The following PCDHA7 variants were observed in gnomAD, a reference collection of about 807,000 sequenced individuals.
PCDHA7 encodes the protein protocadherin alpha 7.
A neutral mutation model predicts 57.2 loss-of-function variants in PCDHA7; 37 were observed. The observed-to-expected ratio is 0.65, with a 90% confidence interval of 0.50 to 0.85. PCDHA7 has a LOEUF of 0.85. PCDHA7 is among the 40% of genes least tolerant of loss of function. The pLI is 0.00. For missense variants in PCDHA7, 1,188 were observed against 1,241.8 expected (o/e 0.96, Z 0.65); for synonymous variants, 553 against 558.8 (o/e 0.99, Z 0.15).
In PCDHA7 at chr5:140,920,607, A is replaced by G. The variant is rs185483487; in HGVS notation, c.2356-58342A>G. Among the ~76,000 whole-genome samples the G allele has an allele frequency of 8.0e-3, 1,215 of 152,266 alleles. 5 individuals are homozygous for G. Among genetic ancestry groups the G allele is most frequent in the African/African-American group, 0.019 (784 of 41,544 alleles). On this transcript the variant is annotated intron_variant, in intron 1 of 3. Coordinates refer to ENST00000525929, the MANE Select transcript of PCDHA7 (RefSeq NM_018910.3). ...ACGCCTGTAATCCCAGCACTTTGGG[A>G]GGCCGAGGCGGATGGATCACAAGGT...
At chr5:140,903,202 C>T (rs1322362050) in intron 1 of PCDHA7, among the ~76,000 whole-genome samples, 4 of 152,184 alleles carry the variant, frequency 2.6e-5, no homozygotes, top group Admixed American at 2.0e-4. Context: ...GTGTCCTTTT[C>T]ACCACATTCA....
chr5:140,845,796 C>A (rs1780039234), intron 1 of PCDHA7, among the ~76,000 whole-genome samples: 1 of 149,428 alleles, frequency 6.7e-6, no homozygotes, highest in African/African-American at 2.5e-5. Flanking sequence ...TAAACTCTGG[C>A]AAGTGATAGG....
chr5:140,917,378 A>G (rs532934226), intron 1 of PCDHA7, among the ~76,000 whole-genome samples: 4 of 150,894 alleles, frequency 2.7e-5, no homozygotes, highest in South Asian at 2.1e-4. Context: ...CTCCACCTCA[A>G]TAGTCTGATG....
At chr5:140,990,025 T>C (rs2097371572) in intron 3 of PCDHA7, among the ~76,000 whole-genome samples, 1 of 151,914 alleles carries the variant, frequency 6.6e-6, no homozygotes, top group African/African-American at 2.4e-5. Flanking sequence ...AGGCAAAGGA[T>C]GGGAGAAGTC....
intron 1 of PCDHA7, among the ~76,000 whole-genome samples, chr5:140,976,053 A>G (rs1174656934): frequency 2.6e-5 from 4 of 152,222 alleles, no homozygotes; most frequent in Non-Finnish European, 5.9e-5. Flanking sequence ...AAATTGTGAT[A>G]GTAATATATG....
chr5:140,927,897 T>A, intron 1 of PCDHA7: 1 of 1,614,204 alleles, frequency 6.2e-7, no homozygotes, highest in African/African-American at 1.3e-5. Flanking sequence ...ACGTGAACGA[T>A]CATGCCCCCG....
At chr5:140,967,047 T>C in intron 1 of PCDHA7, 5 of 1,612,444 alleles carry the variant, frequency 3.1e-6, no homozygotes, top group Non-Finnish European at 4.2e-6. Flanking sequence ...GAGCTGGACC[T>C]GACGAGTGGA....
chr5:140,986,011 T>A (rs1172713730), intron 3 of PCDHA7, among the ~76,000 whole-genome samples: 1 of 152,184 alleles, frequency 6.6e-6, no homozygotes, highest in Non-Finnish European at 1.5e-5. Flanking sequence ...AGTGCTGGGA[T>A]TACAGGCGTG....
At chr5:140,882,343 G>T (rs1554173636) in intron 1 of PCDHA7, 1 of 1,614,198 alleles carries the variant, frequency 6.2e-7, no homozygotes, top group Admixed American at 1.7e-5. Context: ...CAGCCTGGGA[G>T]ACGGGTAGTG....
chr5:140,940,551 T>C (rs2092639776), intron 1 of PCDHA7, among the ~76,000 whole-genome samples: 1 of 152,214 alleles, frequency 6.6e-6, no homozygotes, highest in African/African-American at 2.4e-5. Context: ...TGGGCTCAAG[T>C]GATTCTCCTA....
intron 1 of PCDHA7, among the ~76,000 whole-genome samples, chr5:140,905,939 T>A (rs1583575409): frequency 6.6e-6 from 1 of 152,288 alleles, no homozygotes; most frequent in African/African-American, 2.4e-5. Context: ...GCTGAAGAAC[T>A]TGGAATCCGA....
At chr5:140,945,034 C>T (rs1218648203) in intron 1 of PCDHA7, among the ~76,000 whole-genome samples, 1 of 152,066 alleles carries the variant, frequency 6.6e-6, no homozygotes, top group East Asian at 1.9e-4. Flanking sequence ...ACATAATTAT[C>T]TTTGGTCTTA....
intron 3 of PCDHA7, among the ~76,000 whole-genome samples, chr5:141,008,972 C>T (rs1554261973): frequency 6.6e-6 from 1 of 152,148 alleles, no homozygotes; most frequent in African/African-American, 2.4e-5. Context: ...CATTTATAGC[C>T]AAAGTTTAAT....
intron 3 of PCDHA7, among the ~76,000 whole-genome samples, chr5:140,995,404 A>G (rs941348184): frequency 1.3e-5 from 2 of 152,184 alleles, no homozygotes; most frequent in Admixed American, 6.5e-5. Flanking sequence ...ATGGCTCGAG[A>G]TTTCATCACA....
chr5:140,973,719 C>T (rs1184460895), intron 1 of PCDHA7, among the ~76,000 whole-genome samples: 8 of 152,228 alleles, frequency 5.3e-5, no homozygotes, highest in African/African-American at 1.7e-4. Flanking sequence ...TGAGCCATCA[C>T]ATGGGCATCT....
intron 1 of PCDHA7, among the ~76,000 whole-genome samples, chr5:140,939,846 T>G (rs2092473465): frequency 6.6e-6 from 1 of 152,222 alleles, no homozygotes; most frequent in Non-Finnish European, 1.5e-5. Flanking sequence ...GTTGTTGTGT[T>G]CTGTATATGT....
intron 1 of PCDHA7, chr5:140,856,807 T>G: frequency 6.3e-7 from 1 of 1,594,936 alleles, no homozygotes; most frequent in African/African-American, 1.3e-5. Context: ...TGTATGAAAA[T>G]CAAGTGAACC....
At chr5:140,907,100 C>T (rs1447787481) in intron 1 of PCDHA7, among the ~76,000 whole-genome samples, 2 of 152,098 alleles carry the variant, frequency 1.3e-5, no homozygotes, top group African/African-American at 4.8e-5. Flanking sequence ...GTGCCACTTC[C>T]ACTTCCACCC....
chr5:140,848,807 C>G, intron 1 of PCDHA7: 1 of 1,591,972 alleles, frequency 6.3e-7, no homozygotes, highest in East Asian at 2.2e-5. Context: ...AGTGCAGCAT[C>G]CACCTGGAGG....
Sources: gnomAD v4.1 joint callset for allele counts (sites outside exome capture counted in the v4.1 genomes callset) on GRCh38, gnomAD v4.1.1 for gene constraint, MANE v1.5 for transcripts, NCBI Gene and HGNC (gene_info 2026-07-23, HGNC 2026-07-21) for gene names.